The following TTC34 variants were observed in gnomAD, a reference collection of about 807,000 sequenced individuals.
TTC34 encodes the protein tetratricopeptide repeat domain 34.
In TTC34, 44 loss-of-function variants were observed where a neutral mutation model predicts 40.7. The observed-to-expected ratio is 1.08, with a 90% CI of 0.85 to 1.39. The LOEUF is 1.39. Ranked by LOEUF, TTC34 falls within the 40% of genes most tolerant of loss-of-function variation. The pLI, the probability that TTC34 is intolerant of heterozygous loss-of-function variation, is 0.00. For missense variants in TTC34, 884 were observed against 838.0 expected (o/e 1.05, Z -0.68); for synonymous variants, 422 against 398.6 (o/e 1.06, Z -0.70).
chr1:2,790,938 C>T (rs930408633), intron 2 of TTC34, among the ~76,000 whole-genome samples: 20 of 152,190 alleles, frequency 1.3e-4, no homozygotes, highest in African/African-American at 4.8e-4. Flanking sequence ...GAGGGTGGAC[C>T]TGGGCATTTA....
At position 2,748,795 on chromosome 1, in the gene TTC34, C is replaced by A. The variant is rs1569683973; in HGVS notation, c.2226+34814G>T. Among the ~76,000 whole-genome samples, 7 of 148,278 alleles carry A rather than the reference C, an allele frequency of 4.7e-5. 3 individuals are homozygous for A. The highest frequency in any genetic ancestry group is 1.8e-4 in the African/African-American group (7 of 39,280). ...AGCATCCGGCAGCCTGGAGCGGAAC[C>A]CACACCCACAGGCGAGCATCTGACA... On this transcript the variant is annotated intron_variant, in intron 6 of 8. Transcript: ENST00000401095.
In TTC34 at chr1:2,787,722, C is replaced by T; in HGVS notation, c.1629-16G>A. On this transcript the variant is annotated splice_polypyrimidine_tract_variant and intron_variant, in intron 3 of 8. Coordinates refer to ENST00000401095, the Ensembl canonical transcript of TTC34. ...GCAGGCGACCCTGTGTGGAGATCAG[C>T]TCAGGGGGGCATGCCCCTTTTGACA... 6.6e-7 allele frequency: 1 copy of T among 1,510,350 alleles called. No individual in the cohort carries two copies. Among genetic ancestry groups the T allele is most frequent in the Non-Finnish European group, 8.9e-7 (1 of 1,120,798 alleles). 93.6% of individuals were successfully genotyped at this position (1,510,350 alleles called of 1,614,324 possible). A position where few individuals can be genotyped will look rare whatever the true frequency, so the allele number is the denominator to read the frequency against.
intron 6 of TTC34, among the ~76,000 whole-genome samples, chr1:2,692,698 A>AC (rs1640682118): frequency 9.3e-6 from 1 of 107,030 alleles, no homozygotes; most frequent in Non-Finnish European, 1.8e-5. Context: ...CTGGAGCAGC[A>AC]CCCACACCCC....
intron 6 of TTC34, among the ~76,000 whole-genome samples, chr1:2,675,071 G>T (rs1639849262): frequency 8.0e-6 from 1 of 124,470 alleles, no homozygotes; most frequent in Non-Finnish European, 1.8e-5. Flanking sequence ...GTCAGGAGCA[G>T]TGCCCACACA....
At chr1:2,779,608 C>T (rs530317789) in intron 6 of TTC34, among the ~76,000 whole-genome samples, 1 of 152,330 alleles carries the variant, frequency 6.6e-6, no homozygotes, top group South Asian at 2.1e-4. Flanking sequence ...CAGGCGTGAG[C>T]CACCACACCC....
intron 6 of TTC34, among the ~76,000 whole-genome samples, chr1:2,780,445 A>T (rs1643463974): frequency 6.6e-6 from 1 of 152,132 alleles, no homozygotes; most frequent in Non-Finnish European, 1.5e-5. Context: ...TTTTGAATTA[A>T]TTTTTGTATG....
At chr1:2,787,573 C>T (rs1462311652) in exon 4 of TTC34, 1 of 1,546,962 alleles carries the variant, frequency 6.5e-7, no homozygotes, top group Non-Finnish European at 8.7e-7. Context: ...GATAGGGCCA[C>T]CAGCAGGGCC....
At chr1:2,694,283 TCGGACAGCCTGGAGCAGCACCCACACCCC>T (rs1557623937) in intron 6 of TTC34, among the ~76,000 whole-genome samples, 4 of 120,796 alleles carry the variant, frequency 3.3e-5, no homozygotes, top group East Asian at 2.5e-4. Flanking sequence ...CAGGTGAGCA[TCGGACAGCCTGGAGCAGCACCCACACCCC>T]CTGATGAGCA....
At chr1:2,786,374 G>A (rs1319781389) in intron 4 of TTC34, among the ~76,000 whole-genome samples, 2 of 152,234 alleles carry the variant, frequency 1.3e-5, no homozygotes, top group African/African-American at 2.4e-5. Context: ...GGCCATTTGA[G>A]CCTTTGGGGG....
At chr1:2,786,123 GC>G in intron 4 of TTC34, 100 bp from the exon 5 acceptor site, 2 of 1,126,662 alleles carry the variant, frequency 1.8e-6, no homozygotes, top group Non-Finnish European at 2.4e-6. Context: ...CACCCTCACT[GC>G]CCCAGGGTCC....
chr1:2,651,848 G>T (rs574993960), intron 6 of TTC34, among the ~76,000 whole-genome samples: 1 of 151,832 alleles, frequency 6.6e-6, no homozygotes, highest in East Asian at 2.0e-4. Context: ...CCACCAATTA[G>T]GTGAGCCTCT....
At chr1:2,652,502 A>T (rs1639179255) in intron 6 of TTC34, among the ~76,000 whole-genome samples, 2 of 151,780 alleles carry the variant, frequency 1.3e-5, no homozygotes, top group African/African-American at 2.4e-5. Context: ...CGAGCATCTG[A>T]CGGCCTGCAA....
At chr1:2,642,605 G>C (rs570691900) in intron 8 of TTC34, among the ~76,000 whole-genome samples, 1 of 152,306 alleles carries the variant, frequency 6.6e-6, no homozygotes, top group South Asian at 2.1e-4. Flanking sequence ...CCAGAAATCC[G>C]CTCGCCTCGC....
At chr1:2,681,146 CA>C (rs1640053796) in intron 6 of TTC34, among the ~76,000 whole-genome samples, 1 of 111,394 alleles carries the variant, frequency 9.0e-6, no homozygotes, top group African/African-American at 3.7e-5. Flanking sequence ...ACCCACAGCC[CA>C]AGGTGAGCAT....
At chr1:2,795,539 T>C (rs146606486) in intron 2 of TTC34, among the ~76,000 whole-genome samples, 12 of 152,316 alleles carry the variant, frequency 7.9e-5, no homozygotes, top group African/African-American at 2.9e-4. Context: ...GTGGGGCCTC[T>C]GAGGCTTGGG....
At chr1:2,755,769 G>C (rs1472287861) in intron 6 of TTC34, among the ~76,000 whole-genome samples, 43 of 85,414 alleles carry the variant, frequency 5.0e-4, no homozygotes, top group Non-Finnish European at 6.2e-4. Context: ...TGACAGCCTG[G>C]AACGGCACCC....
chr1:2,782,778 G>A (rs958265347), intron 6 of TTC34, among the ~76,000 whole-genome samples: 2 of 152,144 alleles, frequency 1.3e-5, no homozygotes, highest in African/African-American at 4.8e-5. Context: ...TTTTACAGAG[G>A]AGGAAACTGA....
chr1:2,792,006 C>CTTTTGTTTTTTTTTTTT (rs1643668231), intron 2 of TTC34, among the ~76,000 whole-genome samples: 1 of 39,522 alleles, frequency 2.5e-5, no homozygotes, highest in African/African-American at 8.4e-5. Flanking sequence ...TTGCCATATG[C>CTTTTGTTTTTTTTTTTT]TTTTTTTTTT....
exon 4 of TTC34, chr1:2,787,589 G>A: frequency 4.5e-6 from 7 of 1,549,260 alleles, no homozygotes; most frequent in Non-Finnish European, 6.1e-6. Context: ...GGGCCTTGTG[G>A]GTCTCCTCCA....
Sources: allele counts gnomAD v4.1 joint callset (sites outside exome capture counted in the v4.1 genomes callset), GRCh38; gene constraint gnomAD v4.1.1; transcripts MANE v1.5; gene names NCBI Gene and HGNC (gene_info 2026-07-23, HGNC 2026-07-21).